The following NHERF4 variants were observed in gnomAD, a reference collection of about 807,000 sequenced individuals.
The protein encoded by NHERF4 is NHERF family PDZ scaffold protein 4, also known as Na(+)/H(+) exchange regulatory cofactor NHE-RF4.
At chr11:119,188,913 C>T in the NHERF4 span, 1 of 1,610,652 alleles carries the variant, frequency 6.2e-7, no homozygotes, top group Non-Finnish European at 8.5e-7. Context: ...TCCTTTGCTG[C>T]CTGATCGGTC....
the NHERF4 span, chr11:119,187,217 G>T: frequency 1.5e-5 from 21 of 1,426,560 alleles, no homozygotes; most frequent in Non-Finnish European, 2.0e-5. Context: ...GGAGGTCCTG[G>T]GGGTTGGCAA....
chr11:119,189,458 T>C, the NHERF4 span: 1 of 1,614,058 alleles, frequency 6.2e-7, no homozygotes. This position sits in a 1 kb window ranked among gnomAD's most constrained non-coding sequence, Gnocchi z 5.8. Context: ...CCTCTCTCTG[T>C]ATAGGACTGG....
the NHERF4 span, chr11:119,188,592 G>T: frequency 3.1e-5 from 50 of 1,608,442 alleles, no homozygotes; most frequent in Non-Finnish European, 4.2e-5. Flanking sequence ...GGGCAGGAGT[G>T]GGGCAGGGCT....
chr11:119,186,797 C>A, the NHERF4 span: 1 of 1,153,798 alleles, frequency 8.7e-7, no homozygotes. This position sits in a 1 kb window ranked among gnomAD's most constrained non-coding sequence, Gnocchi z 4.4. Context: ...TCCCCCACAC[C>A]CCAGGATTTA....
the NHERF4 span, chr11:119,188,041 G>T: frequency 6.4e-7 from 1 of 1,555,630 alleles, no homozygotes; most frequent in East Asian, 2.4e-5. Context: ...CCCTGGCAGA[G>T]GGCTGGGCAC....
the NHERF4 span, chr11:119,187,180 C>G: frequency 9.7e-7 from 1 of 1,029,382 alleles, no homozygotes; most frequent in South Asian, 2.0e-5. Context: ...AAAGCCGATT[C>G]CCTTGGCAAA....
the NHERF4 span, chr11:119,187,441 G>A: frequency 9.9e-6 from 16 of 1,613,956 alleles, no homozygotes; most frequent in Non-Finnish European, 3.4e-6. Flanking sequence ...GGGTGGTTTT[G>A]GCTTCAGTGT....
the NHERF4 span, chr11:119,189,469 GCTCTGGC>G: frequency 6.2e-7 from 1 of 1,614,040 alleles, no homozygotes; most frequent in Non-Finnish European, 8.5e-7. The surrounding 1 kb of genome is among the most constrained non-coding windows in gnomAD (Gnocchi z 5.8). Context: ...ATAGGACTGG[GCTCTGGC>G]CTCGGATCTA....
chr11:119,189,496 AC>A, the NHERF4 span: 1 of 1,613,840 alleles, frequency 6.2e-7, no homozygotes, highest in East Asian at 2.2e-5. The surrounding 1 kb of genome is among the most constrained non-coding windows in gnomAD (Gnocchi z 5.8). Flanking sequence ...ACTGTAGAGC[AC>A]CCCTGCTTGG....
At chr11:119,187,615 G>C in the NHERF4 span, 2 of 1,581,040 alleles carry the variant, frequency 1.3e-6, no homozygotes, top group Non-Finnish European at 1.7e-6. Context: ...GCAGCTGAGC[G>C]GGCAGGGGTG....
the NHERF4 span, among the ~76,000 whole-genome samples, chr11:119,186,966 C>T: frequency 6.6e-6 from 1 of 152,034 alleles, no homozygotes; most frequent in Admixed American, 6.6e-5. The surrounding 1 kb of genome is among the most constrained non-coding windows in gnomAD (Gnocchi z 4.4). Flanking sequence ...TGGCAAGACC[C>T]TGTCTCTACT....
the NHERF4 span, chr11:119,188,411 G>A: frequency 1.7e-5 from 28 of 1,613,892 alleles, no homozygotes; most frequent in Admixed American, 6.7e-5. Flanking sequence ...TGGGATGCAG[G>A]CTGGGGACCG....
At chr11:119,187,774 C>T in the NHERF4 span, 1 of 1,463,194 alleles carries the variant, frequency 6.8e-7, no homozygotes, top group Non-Finnish European at 9.0e-7. Flanking sequence ...GCCTCCTTCC[C>T]CATGCGCCTA....
At chr11:119,188,119 G>A in the NHERF4 span, 4 of 1,548,488 alleles carry the variant, frequency 2.6e-6, no homozygotes, top group African/African-American at 4.1e-5. Context: ...TGCTCCGGGA[G>A]GAAAAGGGCC....
At chr11:119,188,473 A>G in the NHERF4 span, 1 of 1,611,508 alleles carries the variant, frequency 6.2e-7, no homozygotes, top group Non-Finnish European at 8.5e-7. Flanking sequence ...ATGAGGAGAC[A>G]GTGTCCAGGA....
At chr11:119,189,587 CCAGAGGGACT>C in the NHERF4 span, 4 of 1,387,502 alleles carry the variant, frequency 2.9e-6, no homozygotes, top group African/African-American at 5.7e-5. The surrounding 1 kb of genome is among the most constrained non-coding windows in gnomAD (Gnocchi z 5.8). Flanking sequence ...CTAAGCCAGA[CCAGAGGGACT>C]CAGACACCAC....
the NHERF4 span, chr11:119,186,067 A>G: frequency 1.9e-6 from 3 of 1,610,360 alleles, no homozygotes; most frequent in Non-Finnish European, 2.5e-6. This position sits in a 1 kb window ranked among gnomAD's most constrained non-coding sequence, Gnocchi z 4.4. Flanking sequence ...GCCAGCTTGT[A>G]CCTGCTTCCC....
the NHERF4 span, chr11:119,186,745 C>T: frequency 6.7e-7 from 1 of 1,501,866 alleles, no homozygotes; most frequent in Non-Finnish European, 9.0e-7. The surrounding 1 kb of genome is among the most constrained non-coding windows in gnomAD (Gnocchi z 4.4). Context: ...AAGCGGGTTG[C>T]TCAGTCCCCT....
At chr11:119,188,112 T>C in the NHERF4 span, 7 of 1,548,634 alleles carry the variant, frequency 4.5e-6, no homozygotes, top group Admixed American at 2.0e-5. Context: ...GGGTTCCTGC[T>C]CCGGGAGGAA....
Sources: gnomAD v4.1 joint callset for allele counts (sites outside exome capture counted in the v4.1 genomes callset) on GRCh38, gnomAD v4.1.1 for gene constraint, Gnocchi (gnomAD v3.1) non-coding constraint, MANE v1.5 for transcripts, NCBI Gene and HGNC (gene_info 2026-07-23, HGNC 2026-07-21) for gene names.